Variants in SBF2 observed in about 807,000 individuals in gnomAD.
SBF2 encodes the protein myotubularin-related protein 13.
A neutral mutation model predicts 225.2 loss-of-function variants in SBF2; 112 were observed. That is an observed-to-expected ratio of 0.50 (90% CI 0.43 to 0.58). The LOEUF is 0.58. Ranked by LOEUF, SBF2 falls within the 20% of genes least tolerant of loss-of-function variation. The pLI is 0.00. For missense variants in SBF2, 1,996 were observed against 2,206.2 expected (o/e 0.90, Z 1.91); for synonymous variants, 763 against 773.3 (o/e 0.99, Z 0.22).
At chr11:10,123,141 G>A (rs1366171131) in intron 2 of SBF2, among the ~76,000 whole-genome samples, 1 of 151,974 alleles carries the variant, frequency 6.6e-6, no homozygotes, top group Non-Finnish European at 1.5e-5. Context: ...CCCTACTGAA[G>A]GAAACATCAG....
At chr11:9,812,996 A>G (rs186612147) in intron 29 of SBF2, among the ~76,000 whole-genome samples, 1 of 152,364 alleles carries the variant, frequency 6.6e-6, no homozygotes, top group Admixed American at 6.5e-5. Context: ...GCCTACTGGT[A>G]GACTGGAACT....
intron 2 of SBF2, among the ~76,000 whole-genome samples, chr11:10,126,657 T>C (rs1247903437): frequency 6.6e-6 from 1 of 152,102 alleles, no homozygotes; most frequent in Non-Finnish European, 1.5e-5. Flanking sequence ...CAAAATTTCA[T>C]ACAATCCAAC....
At chr11:9,805,822 C>G (rs139406752) in intron 32 of SBF2, among the ~76,000 whole-genome samples, 3 of 152,128 alleles carry the variant, frequency 2.0e-5, no homozygotes, top group Non-Finnish European at 4.4e-5. Context: ...TGGGGTTTCA[C>G]CATGTTGGCC....
At chr11:10,198,600 C>A (rs1957463120) in intron 1 of SBF2, among the ~76,000 whole-genome samples, 1 of 152,182 alleles carries the variant, frequency 6.6e-6, no homozygotes, top group Admixed American at 6.5e-5. Flanking sequence ...TAAGCCTGTT[C>A]TTTGAAGCCA....
chr11:10,109,099 T>A (rs55865301), intron 2 of SBF2, among the ~76,000 whole-genome samples: 1 of 151,994 alleles, frequency 6.6e-6, no homozygotes, highest in South Asian at 2.1e-4. Flanking sequence ...ACATAAAAAT[T>A]CCTGCCATAT....
chr11:9,785,420 T>C, intron 36 of SBF2, 102 bp from the exon 37 acceptor site: 10 of 951,048 alleles, frequency 1.1e-5, no homozygotes, highest in Non-Finnish European at 1.7e-5. Flanking sequence ...AAAACTGGAC[T>C]AATAAGCAAC....
intron 16 of SBF2, 58 bp from the exon 17 acceptor site, chr11:9,896,069 A>C: frequency 1.5e-6 from 2 of 1,311,006 alleles, no homozygotes; most frequent in Non-Finnish European, 1.1e-6. Flanking sequence ...TCACAAATAC[A>C]TGCGAACTAA....
intron 8 of SBF2, among the ~76,000 whole-genome samples, chr11:9,999,212 G>C (rs1162842861): frequency 6.6e-6 from 1 of 152,028 alleles, no homozygotes. Flanking sequence ...GCAACACTTG[G>C]TTTGTCCTAC....
At chr11:10,256,807 C>T (rs1190595020) in intron 1 of SBF2, among the ~76,000 whole-genome samples, 1 of 152,168 alleles carries the variant, frequency 6.6e-6, no homozygotes, top group Non-Finnish European at 1.5e-5. Flanking sequence ...AACGTAATAG[C>T]ATCTCTCTCA....
intron 17 of SBF2, among the ~76,000 whole-genome samples, chr11:9,860,195 T>C (rs1857615822): frequency 6.6e-6 from 1 of 152,228 alleles, no homozygotes; most frequent in Non-Finnish European, 1.5e-5. Flanking sequence ...CTCCTTCATT[T>C]TTTAGTCCTT....
At position 10,006,940 on chromosome 11, in the gene SBF2, G is replaced by T. The variant is rs538088194; in HGVS notation, c.620-4251C>A. On this transcript the variant is annotated intron_variant, in intron 6 of 39. Coordinates refer to ENST00000256190, the MANE Select transcript of SBF2 (RefSeq NM_030962.4). ...GAATGCTCCAAGTTGAGAGTCACTGGAAGGTCATGGAGGCAAGAATATAGG... is the reference window on the plus strand; with the variant it reads ...GAATGCTCCAAGTTGAGAGTCACTGTAAGGTCATGGAGGCAAGAATATAGG... Among the ~76,000 whole-genome samples the T allele has an allele frequency of 1.3e-5, 2 of 152,334 alleles. 1 individual carries two copies. The highest frequency in any genetic ancestry group is 4.1e-4 in the South Asian group (2 of 4,824).
chr11:9,944,790 A>G (rs1865469831), intron 16 of SBF2, among the ~76,000 whole-genome samples: 1 of 152,212 alleles, frequency 6.6e-6, no homozygotes, highest in Non-Finnish European at 1.5e-5. Flanking sequence ...TATTTTTCAC[A>G]GAATTAGAAA....
intron 13 of SBF2, among the ~76,000 whole-genome samples, chr11:9,974,771 A>T (rs1946603306): frequency 6.6e-6 from 1 of 151,104 alleles, no homozygotes; most frequent in Admixed American, 6.6e-5. Flanking sequence ...GACCAGCCTG[A>T]TCAACATGGA....
Position 9,780,435 on chromosome 11 carries a change from A to AACTC in SBF2, c.5529_5532dup (p.Cys1845GlufsTer5). ...CATGGGCATCAGGCATCAGAGATAC[A>AACTC]ACTCTGGATCTTGTCCATCCATTGC... On this transcript the variant is annotated frameshift_variant, in exon 40 of 40. Coordinates refer to ENST00000256190, the MANE Select transcript of SBF2 (RefSeq NM_030962.4). LOFTEE classifies it high-confidence loss of function. 6.2e-7 allele frequency: 1 copy of AACTC among 1,614,044 alleles called. No individual in the cohort carries two copies. The highest frequency in any genetic ancestry group is 1.1e-5 in the South Asian group (1 of 91,066).
intron 17 of SBF2, among the ~76,000 whole-genome samples, chr11:9,870,404 C>T (rs1858625877): frequency 6.6e-6 from 1 of 152,118 alleles, no homozygotes; most frequent in Non-Finnish European, 1.5e-5. Flanking sequence ...TAAGATGATA[C>T]TAAGCAAAAA....
intron 21 of SBF2, 64 bp from the exon 22 acceptor site, chr11:9,850,282 G>C: frequency 6.8e-7 from 1 of 1,478,574 alleles, no homozygotes; most frequent in Non-Finnish European, 9.4e-7. Flanking sequence ...TGGAGACAGG[G>C]TCTTGCTCTG....
intron 2 of SBF2, among the ~76,000 whole-genome samples, chr11:10,175,581 C>G (rs904036147): frequency 6.6e-6 from 1 of 151,546 alleles, no homozygotes; most frequent in African/African-American, 2.4e-5. Flanking sequence ...TAACACCCCA[C>G]TGTCAACATT....
At chr11:10,050,175 C>T (rs1950010791) in intron 2 of SBF2, among the ~76,000 whole-genome samples, 2 of 152,198 alleles carry the variant, frequency 1.3e-5, no homozygotes, top group Non-Finnish European at 2.9e-5. Context: ...ATTTTCACAT[C>T]TTTAAAGAAA....
chr11:10,179,103 G>C (rs60330649), intron 2 of SBF2, among the ~76,000 whole-genome samples: 11,717 of 145,996 alleles, frequency 0.08, 651 homozygotes, highest in East Asian at 0.25. Context: ...AACAAAAAAC[G>C]AAACACCACA....
Sources: gnomAD v4.1 joint callset for allele counts (sites outside exome capture counted in the v4.1 genomes callset) on GRCh38, gnomAD v4.1.1 for gene constraint, MANE v1.5 for transcripts, NCBI Gene and HGNC (gene_info 2026-07-23, HGNC 2026-07-21) for gene names.